The following NXPH2 variants were observed in gnomAD, a reference collection of about 807,000 sequenced individuals.
The protein encoded by NXPH2 is neurexophilin-2.
In NXPH2, 5 loss-of-function variants were observed where a neutral mutation model predicts 19.8. The ratio of observed to expected loss-of-function variants is 0.25; its 90% CI spans 0.13 to 0.53. NXPH2 has a LOEUF of 0.53. NXPH2 is among the 20% of genes least tolerant of loss of function. The probability of loss-of-function intolerance (pLI) is 0.96; values close to 1 mark genes in which losing one functional copy is unlikely to be tolerated. For missense variants in NXPH2, 289 were observed against 322.8 expected, an observed-to-expected ratio of 0.90 and a Z score of 0.80; for synonymous variants, 154 against 127.4, an observed-to-expected ratio of 1.21 and a Z score of -1.41.
At chr2:138,780,153 C>G (rs1164170992) in intron 1 of NXPH2, 38 bp downstream of exon 1, 1 of 1,471,762 alleles carries the variant, frequency 6.8e-7, no homozygotes, top group African/African-American at 1.5e-5. Flanking sequence ...CGAAACGCGT[C>G]CCCGGCGTGT....
intron 1 of NXPH2, among the ~76,000 whole-genome samples, chr2:138,755,507 CT>C (rs1262525225): frequency 6.6e-6 from 1 of 152,036 alleles, no homozygotes; most frequent in Non-Finnish European, 1.5e-5. Flanking sequence ...TCTTAGTTCT[CT>C]TTTTTGCACC....
intron 1 of NXPH2, among the ~76,000 whole-genome samples, chr2:138,704,843 A>G (rs1231321450): frequency 7.8e-6 from 1 of 127,876 alleles, no homozygotes; most frequent in Admixed American, 7.9e-5. Context: ...TTTTTTTTTG[A>G]GATGGAGTTT....
chr2:138,752,118 G>A (rs1476445646), intron 1 of NXPH2, among the ~76,000 whole-genome samples: 1 of 152,126 alleles, frequency 6.6e-6, no homozygotes, highest in Non-Finnish European at 1.5e-5. Flanking sequence ...CTAACAATGC[G>A]ATAAGGCAAT....
chr2:138,755,071 T>C (rs939053303), intron 1 of NXPH2, among the ~76,000 whole-genome samples: 9 of 152,156 alleles, frequency 5.9e-5, no homozygotes. Context: ...TGTTGAGTTC[T>C]AAGAATTCTT....
At chr2:138,738,313 T>C (rs1403119836) in intron 1 of NXPH2, among the ~76,000 whole-genome samples, 3 of 152,310 alleles carry the variant, frequency 2.0e-5, no homozygotes, top group African/African-American at 7.2e-5. Flanking sequence ...TACTGGTAAT[T>C]AAATAAAATG....
chr2:138,735,158 G>A (rs554562148), intron 1 of NXPH2, among the ~76,000 whole-genome samples: 7 of 152,288 alleles, frequency 4.6e-5, no homozygotes, highest in African/African-American at 1.7e-4. Context: ...GAGTTATGAG[G>A]TAATCAGCCT....
chr2:138,761,947 T>C (rs913891996), intron 1 of NXPH2, among the ~76,000 whole-genome samples: 4 of 152,208 alleles, frequency 2.6e-5, no homozygotes, highest in Non-Finnish European at 5.9e-5. Context: ...GCAGAAGTCT[T>C]AGATTACGCT....
At chr2:138,726,118 C>T (rs1681353545) in intron 1 of NXPH2, among the ~76,000 whole-genome samples, 1 of 152,160 alleles carries the variant, frequency 6.6e-6, no homozygotes, top group Admixed American at 6.5e-5. Context: ...TCTTAGCTCA[C>T]TGCAACCTCC....
intron 1 of NXPH2, among the ~76,000 whole-genome samples, chr2:138,726,185 T>C (rs1681354945): frequency 6.6e-6 from 1 of 151,884 alleles, no homozygotes; most frequent in Admixed American, 6.6e-5. Context: ...TGGGATTACA[T>C]GCGCCTGCCA....
At chr2:138,724,894 C>T (rs1573967493) in intron 1 of NXPH2, among the ~76,000 whole-genome samples, 1 of 152,220 alleles carries the variant, frequency 6.6e-6, no homozygotes, top group Admixed American at 6.5e-5. Flanking sequence ...AATACCATTA[C>T]GCACAGTTGA....
rs577607616 is a variant in NXPH2 at position 138,772,337 on chromosome 2, C to A, written c.51+7854G>T. On this transcript the variant is annotated intron_variant, in intron 1 of 1. Coordinates refer to ENST00000272641, the MANE Select transcript of NXPH2 (RefSeq NM_007226.3). ...TAGAGACAGAGTTGCACTCTTATTGCCCAAGCTGGAGTGCAATGGCACGAT... is the reference window on the plus strand; with the variant it reads ...TAGAGACAGAGTTGCACTCTTATTGACCAAGCTGGAGTGCAATGGCACGAT... Among the ~76,000 whole-genome samples, 14 of 152,150 alleles carry A rather than the reference C, an allele frequency of 9.2e-5. 1 individual carries two copies. Among genetic ancestry groups the A allele is most frequent in the African/African-American group, 2.9e-4 (12 of 41,450 alleles).
At chr2:138,771,394 A>G (rs986571666) in intron 1 of NXPH2, among the ~76,000 whole-genome samples, 1 of 152,142 alleles carries the variant, frequency 6.6e-6, no homozygotes, top group Admixed American at 6.5e-5. Context: ...TAAACTATTA[A>G]TAATGCCCTG....
intron 1 of NXPH2, among the ~76,000 whole-genome samples, chr2:138,689,127 G>A (rs949517114): frequency 1.4e-4 from 22 of 152,140 alleles, no homozygotes; most frequent in Non-Finnish European, 2.6e-4. Context: ...TTATGAATTG[G>A]AATGTACCCA....
rs77987978 is a variant in NXPH2, at chr2:138,683,333, A to T, written c.52-11668T>A. Among the ~76,000 whole-genome samples the T allele has an allele frequency of 8.8e-3, 1,338 of 152,304 alleles. 10 individuals are homozygous for T. The highest frequency in any genetic ancestry group is 0.015 in the Non-Finnish European group (1,013 of 68,018). ...TCTGAAATATAATGGCCTGGGAGAG[A>T]CAACATGAATCTATGTCTTGACCGC... On this transcript the variant is annotated intron_variant, in intron 1 of 1. Transcript: ENST00000272641.
chr2:138,723,724 AGGT>A (rs1681313815), intron 1 of NXPH2, among the ~76,000 whole-genome samples: 1 of 152,260 alleles, frequency 6.6e-6, no homozygotes, highest in East Asian at 1.9e-4. Context: ...CGCTTCTCAG[AGGT>A]GGTGCTGGAG....
intron 1 of NXPH2, among the ~76,000 whole-genome samples, chr2:138,688,151 T>C (rs184706171): frequency 4.6e-5 from 7 of 152,292 alleles, no homozygotes; most frequent in African/African-American, 1.4e-4. Context: ...TTTCACGATA[T>C]TGATTCTTCC....
chr2:138,686,604 A>G (rs1029806338), intron 1 of NXPH2, among the ~76,000 whole-genome samples: 3 of 152,064 alleles, frequency 2.0e-5, no homozygotes, highest in African/African-American at 7.2e-5. Flanking sequence ...CACAACGTGC[A>G]AGTTTGTTAC....
intron 1 of NXPH2, among the ~76,000 whole-genome samples, chr2:138,728,927 G>T (rs1681402793): frequency 6.6e-6 from 1 of 152,030 alleles, no homozygotes; most frequent in Non-Finnish European, 1.5e-5. Context: ...ACTACCTCCT[G>T]GTACACTATG....
At chr2:138,763,437 G>A (rs1352879277) in intron 1 of NXPH2, among the ~76,000 whole-genome samples, 1 of 152,070 alleles carries the variant, frequency 6.6e-6, no homozygotes. Flanking sequence ...ATATTGTAGT[G>A]AGAACAAGTG....
Sources: gnomAD v4.1 joint callset for allele counts (sites outside exome capture counted in the v4.1 genomes callset) on GRCh38, gnomAD v4.1.1 for gene constraint, MANE v1.5 for transcripts, NCBI Gene and HGNC (gene_info 2026-07-23, HGNC 2026-07-21) for gene names.